The following NLGN4Y variants were observed in gnomAD, a reference collection of about 807,000 sequenced individuals.
The protein encoded by NLGN4Y is neuroligin 4 Y-linked, also known as neuroligin-4, Y-linked.
In NLGN4Y, 4 loss-of-function variants were observed where a neutral mutation model predicts 8.4. The ratio of observed to expected loss-of-function variants is 0.48; its 90% confidence interval spans 0.23 to 1.09. The LOEUF is 1.09. NLGN4Y is among the 50% of genes least tolerant of loss of function. NLGN4Y has a pLI of 0.19. For missense variants in NLGN4Y, 90 were observed against 192.3 expected (o/e 0.47, Z 3.15); for synonymous variants, 35 against 75.6 (o/e 0.46, Z 2.78).
intron 4 of NLGN4Y, among the ~76,000 whole-genome samples, chrY:14,815,720 C>T: frequency 3.0e-5 from 1 of 33,376 alleles, no homozygotes; most frequent in South Asian, 6.7e-4. Flanking sequence ...AAGCTGGATT[C>T]CATGTCCTGT....
At chrY:14,804,495 C>T in intron 4 of NLGN4Y, among the ~76,000 whole-genome samples, 1 of 33,350 alleles carries the variant, frequency 3.0e-5, no homozygotes, top group South Asian at 6.7e-4. Flanking sequence ...ACACAAAATA[C>T]AAGAACTGTA....
rs376676264 is a variant in NLGN4Y at position 14,742,164 on chromosome Y, C to T, written c.685+18895C>T. Reference sequence around the variant, plus strand: ...AGACTAAGGCAGCTTGGACATGTGTCTCCTTTACTTCATGTTTATATATAA... The same window carrying T: ...AGACTAAGGCAGCTTGGACATGTGTTTCCTTTACTTCATGTTTATATATAA... On this transcript the variant is annotated intron_variant, in intron 4 of 6. Coordinates refer to ENST00000684976, the MANE Select transcript of NLGN4Y (RefSeq NM_001365588.1). Among the ~76,000 whole-genome samples, 3 of 33,289 alleles carry T rather than the reference C, an allele frequency of 9.0e-5. No homozygotes were observed. In the East Asian group the frequency reaches 2.3e-3, roughly 26 times the overall value. The allele number at this position is 33,289 out of a possible 37,273, so 89.3% of individuals were successfully genotyped here. A position where few individuals can be genotyped will look rare whatever the true frequency, so the allele number is the denominator to read the frequency against.
chrY:14,842,408 A>G lies in NLGN4Y; in HGVS notation c.*1146A>G. On this transcript the variant is annotated 3_prime_UTR_variant, in exon 7 of 7. Transcript: ENST00000684976. Reference sequence around the variant, plus strand: ...TTGCTTCCTATTTCAGGACCCTGCCAAAAAAGAAGAAAGCTTGCCTTTGGT... The same window carrying G: ...TTGCTTCCTATTTCAGGACCCTGCCGAAAAAGAAGAAAGCTTGCCTTTGGT... The G allele has an allele frequency of 8.2e-6, 1 of 122,049 alleles. No individual in the cohort carries two copies. The highest frequency in any genetic ancestry group is 1.8e-5 in the Non-Finnish European group (1 of 56,201). 30.4% of individuals were successfully genotyped at this position (122,049 alleles called of 400,897 possible).
chrY:14,610,520 T>G (rs921416547), intron 1 of NLGN4Y, among the ~76,000 whole-genome samples: 1 of 33,413 alleles, frequency 3.0e-5, no homozygotes, highest in South Asian at 6.6e-4. Context: ...TGGGTTTGAG[T>G]AAGTATCTTA....
intron 4 of NLGN4Y, among the ~76,000 whole-genome samples, chrY:14,786,587 T>A: frequency 3.0e-5 from 1 of 33,030 alleles, no homozygotes; most frequent in Admixed American, 2.8e-4. Context: ...CTCCCACTTA[T>A]AAGTAAAGAC....
intron 1 of NLGN4Y, among the ~76,000 whole-genome samples, chrY:14,587,807 C>T: frequency 3.1e-5 from 1 of 32,616 alleles, no homozygotes; most frequent in African/African-American, 1.2e-4. Context: ...TATTGAATAC[C>T]AATGCTTAAC....
chrY:14,537,935 G>GA (rs2080138262), intron 1 of NLGN4Y, among the ~76,000 whole-genome samples: 2 of 32,866 alleles, frequency 6.1e-5, no homozygotes, highest in East Asian at 1.6e-3. Flanking sequence ...CTGAAAAAAA[G>GA]AAAAAAATAT....
chrY:14,639,778 C>T (rs756000572), intron 2 of NLGN4Y: 30 of 141,640 alleles, frequency 2.1e-4, no homozygotes, highest in Admixed American at 1.6e-3. Flanking sequence ...TGGTATCTTG[C>T]GCCTCTAAAA....
intron 5 of NLGN4Y, among the ~76,000 whole-genome samples, chrY:14,824,907 T>C: frequency 3.0e-5 from 1 of 33,885 alleles, no homozygotes; most frequent in Non-Finnish European, 7.3e-5. Context: ...ATTGTTTCTT[T>C]TGACAGTCTC....
intron 1 of NLGN4Y, among the ~76,000 whole-genome samples, chrY:14,582,516 A>G (rs2080322587): frequency 6.0e-5 from 2 of 33,139 alleles, no homozygotes; most frequent in African/African-American, 1.2e-4. Context: ...ATGTAATCCC[A>G]GTACTTTGAG....
At chrY:14,623,596 T>A (rs2080518508) in intron 2 of NLGN4Y, among the ~76,000 whole-genome samples, 1 of 34,226 alleles carries the variant, frequency 2.9e-5, no homozygotes, top group South Asian at 6.5e-4. Context: ...ATTTTTTTCT[T>A]CTCATTGTTC....
chrY:14,812,943 C>CTT, intron 4 of NLGN4Y, among the ~76,000 whole-genome samples: 1 of 28,778 alleles, frequency 3.5e-5, no homozygotes, highest in South Asian at 8.5e-4. Flanking sequence ...TCCTTCCTTC[C>CTT]CTCCTTCCTT....
chrY:14,546,309 T>C, intron 1 of NLGN4Y, among the ~76,000 whole-genome samples: 1 of 33,445 alleles, frequency 3.0e-5, no homozygotes, highest in Admixed American at 2.7e-4. Context: ...TCCAACTCTG[T>C]GAAGAAAGTC....
intron 4 of NLGN4Y, among the ~76,000 whole-genome samples, chrY:14,815,526 G>T: frequency 3.0e-5 from 1 of 33,383 alleles, no homozygotes; most frequent in Non-Finnish European, 7.4e-5. Context: ...ATCTGTTGGT[G>T]GTTGAAGTTG....
intron 6 of NLGN4Y, among the ~76,000 whole-genome samples, chrY:14,836,072 AT>A (rs2043197268): frequency 3.0e-5 from 1 of 32,837 alleles, no homozygotes. Context: ...AATCCTTGCT[AT>A]TTTTTAATTA....
At chrY:14,551,156 C>T in intron 1 of NLGN4Y, among the ~76,000 whole-genome samples, 1 of 33,637 alleles carries the variant, frequency 3.0e-5, no homozygotes, top group Non-Finnish European at 7.4e-5. Context: ...TCTGATAAAA[C>T]AGACTTTAAC....
intron 2 of NLGN4Y, among the ~76,000 whole-genome samples, chrY:14,708,599 A>G (rs2080889800): frequency 5.9e-5 from 2 of 33,655 alleles, no homozygotes; most frequent in Non-Finnish European, 1.5e-4. Context: ...ATGAACAGGG[A>G]ATGCCTTTCT....
chrY:14,712,305 AATTTCTTGGTGGTAGTACT>A (rs2080902143), intron 2 of NLGN4Y, among the ~76,000 whole-genome samples: 1 of 32,906 alleles, frequency 3.0e-5, no homozygotes, highest in South Asian at 7.4e-4. Context: ...GTCATCTTTC[AATTTCTTGGTGGTAGTACT>A]ATTCAAGTGG....
chrY:14,596,429 C>A (rs2080397888), intron 1 of NLGN4Y, among the ~76,000 whole-genome samples: 1 of 33,628 alleles, frequency 3.0e-5, no homozygotes, highest in Non-Finnish European at 7.4e-5. Flanking sequence ...GTTTGTCTGG[C>A]AGGCATTGGG....
Sources: gnomAD v4.1 joint callset for allele counts (sites outside exome capture counted in the v4.1 genomes callset) on GRCh38, gnomAD v4.1.1 for gene constraint, MANE v1.5 for transcripts, NCBI Gene and HGNC (gene_info 2026-07-23, HGNC 2026-07-21) for gene names.